BICC1: variants seen among roughly 807,000 people sequenced by gnomAD.
BICC1 encodes BicC family RNA binding protein 1, also known as protein bicaudal C homolog 1.
In BICC1, 43 loss-of-function variants were observed where a neutral mutation model predicts 111.0. The observed-to-expected ratio is 0.39, with a 90% CI of 0.30 to 0.50. The LOEUF is 0.50. Ranked by LOEUF, BICC1 falls within the 20% of genes least tolerant of loss-of-function variation. The pLI is 0.88. For synonymous variants in BICC1, 467 were observed against 434.4 expected (o/e 1.07, Z -0.93); for missense variants, 1,091 against 1,203.2 (o/e 0.91, Z 1.38).
chr10:58,538,088 C>T (rs776881394), intron 1 of BICC1, among the ~76,000 whole-genome samples: 1 of 151,620 alleles, frequency 6.6e-6, no homozygotes, highest in Non-Finnish European at 1.5e-5. Context: ...TCAAAATAAC[C>T]AACATCGTTT....
intron 4 of BICC1, 62 bp from the exon 5 acceptor site, chr10:58,786,861 C>T (rs573770392): frequency 3.9e-5 from 51 of 1,301,498 alleles, no homozygotes; most frequent in African/African-American, 2.9e-4. Context: ...GAGGGAAAGA[C>T]ATTTAGGAGG....
intron 3 of BICC1, among the ~76,000 whole-genome samples, chr10:58,747,911 T>C (rs1034901963): frequency 6.6e-6 from 1 of 152,156 alleles, no homozygotes; most frequent in African/African-American, 2.4e-5. Flanking sequence ...TTACATATGG[T>C]CTTTGTATGC....
intron 1 of BICC1, among the ~76,000 whole-genome samples, chr10:58,601,074 A>G (rs893370): frequency 1.4e-5 from 2 of 145,472 alleles, no homozygotes; most frequent in Non-Finnish European, 3.0e-5. Context: ...CTTGATAAGA[A>G]CACTTCACTA....
intron 2 of BICC1, among the ~76,000 whole-genome samples, chr10:58,643,544 TTACAG>T (rs1838183495): frequency 6.6e-6 from 1 of 152,256 alleles, no homozygotes; most frequent in Non-Finnish European, 1.5e-5. Flanking sequence ...TGGTCAGGAC[TTACAG>T]TACATTATTT....
chr10:58,794,111 G>A (rs1418741177), intron 9 of BICC1, among the ~76,000 whole-genome samples: 1 of 150,476 alleles, frequency 6.6e-6, no homozygotes, highest in South Asian at 2.1e-4. Context: ...TTAGAATCTG[G>A]TAACTTGAAG....
intron 10 of BICC1, among the ~76,000 whole-genome samples, chr10:58,797,010 C>T (rs1337876062): frequency 6.6e-6 from 1 of 152,114 alleles, no homozygotes; most frequent in African/African-American, 2.4e-5. Flanking sequence ...CAAAGGAAAT[C>T]TAGTCAGAGG....
intron 1 of BICC1, among the ~76,000 whole-genome samples, chr10:58,529,105 A>G (rs2131848020): frequency 6.6e-6 from 1 of 152,086 alleles, no homozygotes; most frequent in Middle Eastern, 3.4e-3. Context: ...AGCAGAGATT[A>G]CAGTGTAAAT....
At chr10:58,527,210 G>T (rs966362072) in intron 1 of BICC1, among the ~76,000 whole-genome samples, 2 of 152,106 alleles carry the variant, frequency 1.3e-5, no homozygotes, top group Non-Finnish European at 2.9e-5. Context: ...GTGTTTTTTG[G>T]CTGCATAAAT....
chr10:58,821,207 A>G (rs940226053), intron 20 of BICC1, among the ~76,000 whole-genome samples: 1 of 152,132 alleles, frequency 6.6e-6, no homozygotes, highest in South Asian at 2.1e-4. Context: ...TAAGGAGGGA[A>G]TGGGATTAGT....
Position 58,786,994 on chromosome 10 carries a change from C to G in BICC1, c.459C>G (p.Asn153Lys), listed in dbSNP as rs1280748496. 1.2e-6 allele frequency: 2 copies of G among 1,609,120 alleles called. No homozygotes were observed. Among genetic ancestry groups the G allele is most frequent in the Non-Finnish European group, 1.7e-6 (2 of 1,178,122 alleles). The change falls in exon 5 of 21, where the codon AAC (asparagine) becomes AAG (lysine). Residue 153 changes from asparagine (N) to lysine (K), a missense_variant. Coordinates refer to ENST00000373886, the MANE Select transcript of BICC1 (RefSeq NM_001080512.3). ...EHSHVIGKGG[N>K]NIKKVMEETG... ...CACATGTAATCGGCAAAGGTGGCAA[C>G]AATATTAAAAAAGTGATGGAAGAAA...
chr10:58,708,482 A>G (rs944280269), intron 3 of BICC1, among the ~76,000 whole-genome samples: 1 of 152,200 alleles, frequency 6.6e-6, no homozygotes, highest in African/African-American at 2.4e-5. Flanking sequence ...CAGAGGTTTA[A>G]TAGGCAAAAG....
chr10:58,706,468 C>A (rs1789826262), intron 3 of BICC1, among the ~76,000 whole-genome samples: 1 of 152,246 alleles, frequency 6.6e-6, no homozygotes, highest in Middle Eastern at 3.4e-3. Flanking sequence ...TCTTCTTTTG[C>A]TCTTAATCTG....
chr10:58,683,857 A>G (rs112092494), intron 2 of BICC1, among the ~76,000 whole-genome samples: 1,532 of 152,154 alleles, frequency 0.01, 23 homozygotes, highest in African/African-American at 0.036. Flanking sequence ...CTAATTGAAT[A>G]CCCTTTATTT....
Position 58,513,092 on chromosome 10 carries a change from AGCGCAGGCAGAGCGGCGGCG to A in BICC1, c.-49_-30del. On this transcript the variant is annotated 5_prime_UTR_variant, in exon 1 of 21. Coordinates refer to ENST00000373886, the MANE Select transcript of BICC1 (RefSeq NM_001080512.3). ...AGCCCGGCCGGCGAGCGGAGGCGGC[AGCGCAGGCAGAGCGGCGGCG>A]GCAGCGGGAGCCCGAGCGCTGCGCG... is the stretch of plus-strand genomic sequence containing the variant. The A allele has an allele frequency of 7.7e-7, 1 of 1,292,760 alleles. No individual in the cohort carries two copies. The allele number at this position is 1,292,760 out of a possible 1,614,324, so 80.1% of individuals were successfully genotyped here.
Position 58,744,842 on chromosome 10 carries a change from G to T in BICC1, c.308-40159G>T, listed in dbSNP as rs375955765. Reference sequence around the variant, plus strand: ...ACTGGGTAATAGAGAACATCTGGAGGTGATCAGAGATAGCCTTATAGGAAC... The same window carrying T: ...ACTGGGTAATAGAGAACATCTGGAGTTGATCAGAGATAGCCTTATAGGAAC... On this transcript the variant is annotated intron_variant, in intron 3 of 20. Transcript: ENST00000373886. Among the ~76,000 whole-genome samples, 3 of 152,130 alleles carry T rather than the reference G, an allele frequency of 2.0e-5. No individual in the cohort carries two copies. In the South Asian group the frequency reaches 6.2e-4, roughly 32 times the overall value.
chr10:58,673,184 A>G (rs1189216070), intron 2 of BICC1, among the ~76,000 whole-genome samples: 2 of 152,194 alleles, frequency 1.3e-5, no homozygotes, highest in Non-Finnish European at 2.9e-5. Flanking sequence ...ATAACTTTTT[A>G]TAGGCTCCAC....
chr10:58,640,753 T>C (rs1227333108), intron 2 of BICC1, among the ~76,000 whole-genome samples: 1 of 152,178 alleles, frequency 6.6e-6, no homozygotes, highest in African/African-American at 2.4e-5. Context: ...GCAGACAAAG[T>C]ATAGAGAAAT....
At chr10:58,579,277 G>A (rs915031567) in intron 1 of BICC1, among the ~76,000 whole-genome samples, 1 of 152,190 alleles carries the variant, frequency 6.6e-6, no homozygotes, top group African/African-American at 2.4e-5. Context: ...GCAATAGTCC[G>A]CTCCTTGCTG....
At chr10:58,614,773 A>G (rs1273866946) in intron 1 of BICC1, among the ~76,000 whole-genome samples, 1 of 152,194 alleles carries the variant, frequency 6.6e-6, no homozygotes, top group Admixed American at 6.5e-5. Flanking sequence ...AGTCTCCTCA[A>G]GGAAGTTTGT....
Sources: allele counts gnomAD v4.1 joint callset (sites outside exome capture counted in the v4.1 genomes callset), GRCh38; gene constraint gnomAD v4.1.1; transcripts MANE v1.5; gene names NCBI Gene and HGNC (gene_info 2026-07-23, HGNC 2026-07-21).